Variants in ADGRL2 observed in about 807,000 individuals in gnomAD.
ADGRL2 encodes adhesion G protein-coupled receptor L2, also known as calcium-independent alpha-latrotoxin receptor 2.
In ADGRL2, 44 loss-of-function variants were observed where a neutral mutation model predicts 157.4. The ratio of observed to expected loss-of-function variants is 0.28; its 90% CI spans 0.22 to 0.36. The LOEUF is 0.36. Ranked by LOEUF, ADGRL2 falls within the 10% of genes least tolerant of loss-of-function variation. The pLI, the probability that ADGRL2 is intolerant of heterozygous loss-of-function variation, is 1.00. For synonymous variants in ADGRL2, 585 were observed against 624.7 expected (o/e 0.94, Z 0.95); for missense variants, 1,510 against 1,768.9 (o/e 0.85, Z 2.63).
chr1:81,549,763 C>A (rs1464525118), intron 2 of ADGRL2, among the ~76,000 whole-genome samples: 1 of 152,080 alleles, frequency 6.6e-6, no homozygotes, highest in Non-Finnish European at 1.5e-5. Context: ...AAGAATCAGA[C>A]TAATGGGCAT....
chr1:81,725,511 C>T (rs2149148529), intron 1 of ADGRL2, among the ~76,000 whole-genome samples: 1 of 152,006 alleles, frequency 6.6e-6, no homozygotes, highest in Admixed American at 6.6e-5. Flanking sequence ...TTCACTCCAG[C>T]CTGGGTGACA....
At chr1:81,676,865 T>A (rs893001040) in intron 3 of ADGRL2, among the ~76,000 whole-genome samples, 1 of 151,168 alleles carries the variant, frequency 6.6e-6, no homozygotes, top group African/African-American at 2.4e-5. Context: ...TTTTTTTGTA[T>A]TTTTTAGTAG....
chr1:81,962,445 C>T (rs1237215376), intron 11 of ADGRL2, among the ~76,000 whole-genome samples: 1 of 152,024 alleles, frequency 6.6e-6, no homozygotes, highest in Non-Finnish European at 1.5e-5. Flanking sequence ...TGGGCTTTCT[C>T]TTTTTATCTT....
In ADGRL2 at chr1:81,428,368, G is replaced by A. The variant is rs141998077; in HGVS notation, c.-301-16668G>A. On this transcript the variant is annotated intron_variant, in intron 1 of 24. Coordinates refer to the ADGRL2 transcript ENST00000370721. ...AAAAGAAAACCTCAGTATGCCAAGA[G>A]GCTATATTTTAGGATATCATGTTGC... Among the ~76,000 whole-genome samples, 1,117 of 151,974 alleles carry A rather than the reference G, an allele frequency of 7.3e-3. 8 individuals carry two copies. The highest frequency in any genetic ancestry group is 0.012 in the Non-Finnish European group (816 of 68,000).
rs547657607 is a variant in ADGRL2 at position 81,653,612 on chromosome 1, C to A, written c.-143+72632C>A. Among the ~76,000 whole-genome samples, 6 of 152,276 alleles carry A rather than the reference C, an allele frequency of 3.9e-5. No individual in the cohort carries two copies. In the East Asian group the frequency reaches 9.6e-4, roughly 24 times the overall value. Reference sequence around the variant, plus strand: ...CCTACCAGAGGGTAATCAAAAACATCCATTGGGGCATAGGGAAAAAAATAT... The same window carrying A: ...CCTACCAGAGGGTAATCAAAAACATACATTGGGGCATAGGGAAAAAAATAT... On this transcript the variant is annotated intron_variant, in intron 3 of 24. Coordinates refer to the ADGRL2 transcript ENST00000370721.
chr1:81,376,013 C>A (rs556607421), intron 1 of ADGRL2, among the ~76,000 whole-genome samples: 2 of 152,252 alleles, frequency 1.3e-5, no homozygotes, highest in African/African-American at 2.4e-5. Flanking sequence ...AGCATCATTA[C>A]GAAGATAGCA....
At chr1:81,562,213 C>A (rs1427707253) in intron 2 of ADGRL2, among the ~76,000 whole-genome samples, 1 of 151,986 alleles carries the variant, frequency 6.6e-6, no homozygotes, top group Non-Finnish European at 1.5e-5. Flanking sequence ...AAGAGGCCCT[C>A]AAGGAAGAAA....
chr1:81,967,324 C>T (rs1015792550), intron 13 of ADGRL2, among the ~76,000 whole-genome samples: 10 of 150,730 alleles, frequency 6.6e-5, no homozygotes, highest in South Asian at 4.2e-4. Flanking sequence ...TGCGGTGGCG[C>T]GATCTCGGCT....
chr1:81,857,531 A>G (rs1449752519), intron 2 of ADGRL2, among the ~76,000 whole-genome samples: 1 of 152,138 alleles, frequency 6.6e-6, no homozygotes, highest in Non-Finnish European at 1.5e-5. Flanking sequence ...TTGACTAGAT[A>G]TTTTGGCATT....
intron 1 of ADGRL2, among the ~76,000 whole-genome samples, chr1:81,360,404 G>T (rs528914557): frequency 1.8e-4 from 28 of 151,988 alleles, no homozygotes; most frequent in East Asian, 5.8e-4. Flanking sequence ...AGGACCAAAG[G>T]CTTTCCAGGA....
chr1:81,864,308 CATAT>C (rs3046333), intron 2 of ADGRL2, among the ~76,000 whole-genome samples: 150,214 of 152,034 alleles, frequency 0.99, 74,229 homozygotes, highest in Middle Eastern at 1. Flanking sequence ...CTGAAGTCAG[CATAT>C]ATATCAGTTG....
intron 3 of ADGRL2, among the ~76,000 whole-genome samples, chr1:81,658,798 C>T (rs1158797398): frequency 1.3e-5 from 2 of 152,218 alleles, no homozygotes; most frequent in Admixed American, 6.5e-5. Flanking sequence ...GTTGCCCAGG[C>T]TGGAGTGCGA....
chr1:81,770,394 C>T (rs1362517125), intron 2 of ADGRL2, among the ~76,000 whole-genome samples: 3 of 152,042 alleles, frequency 2.0e-5, no homozygotes, highest in South Asian at 4.2e-4. Context: ...AACTCCTAGC[C>T]CTGTAATTCG....
rs554068191 is a variant in ADGRL2 at position 81,793,121 on chromosome 1, C to T, written c.-101+31269C>T. ...ATAAGGCTCAGTACACATTCTTCAG[C>T]GAAATTTTGGCATAGTTTCAATTTT... On this transcript the variant is annotated intron_variant, in intron 2 of 20. Transcript: ENST00000359929. Among the ~76,000 whole-genome samples the T allele has an allele frequency of 1.4e-3, 208 of 152,054 alleles. 3 individuals carry two copies. In the South Asian group the frequency reaches 0.039, roughly 29 times the overall value.
intron 2 of ADGRL2, among the ~76,000 whole-genome samples, chr1:81,883,823 T>G (rs2094050661): frequency 6.6e-6 from 1 of 152,178 alleles, no homozygotes; most frequent in Non-Finnish European, 1.5e-5. Flanking sequence ...CTGTCTTCCT[T>G]TATCAGTTTT....
intron 1 of ADGRL2, among the ~76,000 whole-genome samples, chr1:81,824,453 T>G (rs1343708571): frequency 2.0e-5 from 3 of 151,936 alleles, no homozygotes; most frequent in African/African-American, 7.3e-5. Flanking sequence ...TTTTTTAATT[T>G]TTTGTAGAGA....
intron 1 of ADGRL2, among the ~76,000 whole-genome samples, chr1:81,424,629 A>C (rs2077179866): frequency 6.6e-6 from 1 of 152,234 alleles, no homozygotes; most frequent in African/African-American, 2.4e-5. Context: ...AATGAGGTTA[A>C]GCCTTGGCTT....
At chr1:81,476,201 A>G (rs1182164339) in intron 2 of ADGRL2, among the ~76,000 whole-genome samples, 1 of 152,160 alleles carries the variant, frequency 6.6e-6, no homozygotes, top group Admixed American at 6.5e-5. Flanking sequence ...AAAGAAAGGG[A>G]AAGCAAAAAA....
At chr1:81,822,404 A>G (rs2091080990) in intron 1 of ADGRL2, among the ~76,000 whole-genome samples, 1 of 151,488 alleles carries the variant, frequency 6.6e-6, no homozygotes, top group African/African-American at 2.4e-5. Flanking sequence ...TTATAATTTA[A>G]TTTTTATATT....
Sources: gnomAD v4.1 joint callset for allele counts (sites outside exome capture counted in the v4.1 genomes callset) on GRCh38, gnomAD v4.1.1 for gene constraint, MANE v1.5 for transcripts, NCBI Gene and HGNC (gene_info 2026-07-23, HGNC 2026-07-21) for gene names.